DCAF1: variants seen among roughly 807,000 people sequenced by gnomAD.
The protein encoded by DCAF1 is DDB1 and CUL4 associated factor 1, also known as DDB1- and CUL4-associated factor 1.
Under a neutral mutation model 128.0 loss-of-function variants are expected in DCAF1, and 15 were observed. The ratio of observed to expected loss-of-function variants is 0.12; its 90% CI spans 0.08 to 0.18. The LOEUF (loss-of-function observed/expected upper bound fraction) is 0.18, where lower values mean the gene tolerates loss of function less well. Among genes scored for constraint, DCAF1 ranks in the 10% least tolerant of loss-of-function variants. The pLI is 1.00. For synonymous variants in DCAF1, 610 were observed against 603.0 expected, an observed-to-expected ratio of 1.01 and a Z score of -0.17; for missense variants, 988 against 1,649.5, an observed-to-expected ratio of 0.60 and a Z score of 6.95.
chr3:51,468,197 A>G (rs1704341243), intron 4 of DCAF1, among the ~76,000 whole-genome samples: 1 of 152,180 alleles, frequency 6.6e-6, no homozygotes, highest in Non-Finnish European at 1.5e-5. Context: ...TCTGAGATGG[A>G]GTCTTGTTCT....
At chr3:51,400,946 C>T (rs2089641524) in intron 24 of DCAF1, among the ~76,000 whole-genome samples, 1 of 151,964 alleles carries the variant, frequency 6.6e-6, no homozygotes, top group Admixed American at 6.5e-5. Context: ...TCCTGGCTAA[C>T]ACGGTGAAAC....
intron 6 of DCAF1, among the ~76,000 whole-genome samples, chr3:51,456,812 T>C (rs1365401158): frequency 6.6e-6 from 1 of 152,172 alleles, no homozygotes; most frequent in African/African-American, 2.4e-5. Flanking sequence ...GGGTCTGAAG[T>C]GGACCTCTAG....
intron 14 of DCAF1, among the ~76,000 whole-genome samples, chr3:51,422,058 T>A (rs1474660943): frequency 6.6e-6 from 1 of 152,004 alleles, no homozygotes; most frequent in East Asian, 1.9e-4. Context: ...AAAACCTGAG[T>A]TTACTAGCAT....
At chr3:51,450,657 A>C (rs1702256271) in intron 6 of DCAF1, among the ~76,000 whole-genome samples, 1 of 152,246 alleles carries the variant, frequency 6.6e-6, no homozygotes, top group East Asian at 1.9e-4. Context: ...ATATCCACTT[A>C]TTTTTTGAGA....
intron 6 of DCAF1, among the ~76,000 whole-genome samples, chr3:51,450,442 A>G (rs1577186508): frequency 6.6e-6 from 1 of 152,208 alleles, no homozygotes; most frequent in Non-Finnish European, 1.5e-5. Flanking sequence ...AATCTCAGGA[A>G]TTCAAAGACA....
chr3:51,403,190 T>A lies in DCAF1; in HGVS notation c.4418A>T (p.Asp1473Val). 6.2e-7 allele frequency: 1 copy of A among 1,613,892 alleles called. No individual in the cohort carries two copies. The highest frequency in any genetic ancestry group is 8.5e-7 in the Non-Finnish European group (1 of 1,179,846). The change falls in exon 24 of 25, where the codon GAT becomes GTT. Residue 1473 changes from aspartate to valine, a missense_variant. Transcript: ENST00000684031. ...CTCCTCATCTGCATCAGAGTCTTCA[T>A]CCTCCCCGTCCTCTCCCTCCTCTAG... is the stretch of plus-strand genomic sequence containing the variant. ...NLLEEGEDGE[D>V]EDSDADEEVE...
At chr3:51,439,184 A>C (rs941508576) in intron 9 of DCAF1, among the ~76,000 whole-genome samples, 3 of 151,698 alleles carry the variant, frequency 2.0e-5, no homozygotes, top group Non-Finnish European at 4.4e-5. Flanking sequence ...GCTCAGGCTC[A>C]CCCTAGTGAT....
chr3:51,460,183 C>T (rs374533982), intron 6 of DCAF1, among the ~76,000 whole-genome samples: 1 of 152,066 alleles, frequency 6.6e-6, no homozygotes. Flanking sequence ...AAAATCTCCT[C>T]AAGCTGATAA....
At chr3:51,483,611 G>T (rs1577301626) in intron 3 of DCAF1, 108 bp downstream of exon 3, 2 of 367,430 alleles carry the variant, frequency 5.4e-6, no homozygotes, top group South Asian at 7.1e-5. Flanking sequence ...AAACTAGTTT[G>T]TGTGTGTGTG....
At position 51,499,945 on chromosome 3, in the gene DCAF1, G is replaced by C. The variant is rs1455468892; in HGVS notation, c.-128C>G. On this transcript the variant is annotated 5_prime_UTR_variant, in exon 1 of 25. Coordinates refer to ENST00000684031, the MANE Select transcript of DCAF1 (RefSeq NM_001387579.1). ...CACAGTTCACACACACACAGCCTCAGGTCCCGCACTCACTCTCCACTCACA... is the reference window on the plus strand; with the variant it reads ...CACAGTTCACACACACACAGCCTCACGTCCCGCACTCACTCTCCACTCACA... 12 of 129,272 alleles carry C rather than the reference G, an allele frequency of 9.3e-5. No individual in the cohort carries two copies. Among genetic ancestry groups the C allele is most frequent in the Admixed American group, 4.7e-4 (6 of 12,826 alleles). 8.0% of individuals were successfully genotyped at this position (129,272 alleles called of 1,614,324 possible). A position where few individuals can be genotyped will look rare whatever the true frequency, so the allele number is the denominator to read the frequency against.
At chr3:51,492,850 T>C (rs528598644) in intron 2 of DCAF1, among the ~76,000 whole-genome samples, 65 of 151,334 alleles carry the variant, frequency 4.3e-4, no homozygotes, top group Middle Eastern at 3.5e-3. Context: ...AAAAATTAGC[T>C]GGGCGTGGTG....
chr3:51,431,484 C>A (rs1700373348), intron 10 of DCAF1, among the ~76,000 whole-genome samples: 1 of 145,514 alleles, frequency 6.9e-6, no homozygotes, highest in South Asian at 2.2e-4. Flanking sequence ...CCCGCCTCTG[C>A]ACTCCAGTCT....
chr3:51,475,196 T>C (rs1553650030), intron 3 of DCAF1, among the ~76,000 whole-genome samples: 1 of 151,534 alleles, frequency 6.6e-6, no homozygotes, highest in African/African-American at 2.4e-5. Context: ...TCACAAAATA[T>C]ACTTAGAATT....
At chr3:51,448,401 CAT>C (rs2107789603) in intron 6 of DCAF1, among the ~76,000 whole-genome samples, 1 of 152,318 alleles carries the variant, frequency 6.6e-6, no homozygotes, top group East Asian at 1.9e-4. Flanking sequence ...CACTCTAACT[CAT>C]AGAGACAGGG....
At chr3:51,407,186 CAAA>C (rs1697922398) in intron 23 of DCAF1, among the ~76,000 whole-genome samples, 1 of 125,730 alleles carries the variant, frequency 8.0e-6, no homozygotes, top group South Asian at 2.6e-4. Context: ...AAAACAACAA[CAAA>C]ACCGTCATTC....
chr3:51,439,287 C>A (rs73078645), intron 9 of DCAF1, among the ~76,000 whole-genome samples: 3,834 of 151,948 alleles, frequency 0.025, 69 homozygotes, highest in Middle Eastern at 0.051. Flanking sequence ...AGATACCACG[C>A]CAGGCTAATT....
In DCAF1 at chr3:51,418,831, A is replaced by G. The variant is rs1699131511; in HGVS notation, c.3282T>C (p.Ser1094=). Residue 1094 remains serine (S), a synonymous_variant, in exon 16 of 25, where the codon AGT becomes AGC. Transcript: ENST00000684031. The stretch of plus-strand genomic sequence containing the variant: ...CTGAGAATGCACAGCAGGTGAAGCC[A>G]CTCTCATCTTCATTGGCTTCCCGGA... ...SVFREANEDE[S]GFTCCAFSAR... 6.2e-7 allele frequency: 1 copy of G among 1,613,810 alleles called. No individual in the cohort carries two copies.
At chr3:51,425,194 C>T (rs1462250417) in intron 13 of DCAF1, among the ~76,000 whole-genome samples, 3 of 151,888 alleles carry the variant, frequency 2.0e-5, no homozygotes, top group Admixed American at 6.6e-5. Context: ...AAATACAGGC[C>T]GGACCGTGTT....
intron 15 of DCAF1, 66 bp from the exon 16 acceptor site, chr3:51,418,942 A>G: frequency 6.7e-7 from 1 of 1,483,330 alleles, no homozygotes. Context: ...GCAAACTGCT[A>G]GGATAGAAGA....
Sources: gnomAD v4.1 joint callset for allele counts (sites outside exome capture counted in the v4.1 genomes callset) on GRCh38, gnomAD v4.1.1 for gene constraint, MANE v1.5 for transcripts, NCBI Gene and HGNC (gene_info 2026-07-23, HGNC 2026-07-21) for gene names.